KDM4C: variants seen among roughly 807,000 people sequenced by gnomAD.
KDM4C encodes lysine-specific demethylase 4C.
In KDM4C, 81 loss-of-function variants were observed where a neutral mutation model predicts 129.3. That is an observed-to-expected ratio of 0.63 (90% CI 0.52 to 0.75). KDM4C has a LOEUF of 0.75. Ranked by LOEUF, KDM4C falls within the 30% of genes least tolerant of loss-of-function variation. The pLI is 0.00. For synonymous variants in KDM4C, 573 were observed against 456.1 expected (o/e 1.26, Z -3.26); for missense variants, 1,457 against 1,304.0 (o/e 1.12, Z -1.81).
chr9:6,858,726 C>T (rs546188815), intron 5 of KDM4C, among the ~76,000 whole-genome samples: 4 of 151,680 alleles, frequency 2.6e-5, no homozygotes, highest in East Asian at 3.9e-4. Context: ...GAGCCAACAT[C>T]GTGTCACTGC....
intron 17 of KDM4C, among the ~76,000 whole-genome samples, chr9:7,083,319 C>A (rs1320447857): frequency 6.6e-6 from 1 of 152,204 alleles, no homozygotes; most frequent in Non-Finnish European, 1.5e-5. Context: ...TGTTGGCATT[C>A]AAAAATTTCA....
chr9:7,128,005 A>G, intron 18 of KDM4C, 61 bp from the exon 19 acceptor site: 1 of 1,274,074 alleles, frequency 7.8e-7, no homozygotes, highest in Non-Finnish European at 1.0e-6. Flanking sequence ...TTTTTATTTT[A>G]CGTCCTTTCT....
chr9:7,052,910 T>TTGTTGTGCAGTGGGGTGCTTTA (rs1554718570), intron 17 of KDM4C, among the ~76,000 whole-genome samples: 1 of 126,716 alleles, frequency 7.9e-6, no homozygotes, highest in Non-Finnish European at 1.8e-5. Flanking sequence ...AGCGAGCGAG[T>TTGTTGTGCAGTGGGGTGCTTTA]GCCCAAGGGA....
At chr9:6,756,740 T>C (rs1450392220), upstream of KDM4C, among the ~76,000 whole-genome samples, 2 of 152,208 alleles carry the variant, frequency 1.3e-5, no homozygotes, top group Non-Finnish European at 2.9e-5. Context: ...TCTGTGTGTG[T>C]AGCGGAACTT....
intron 12 of KDM4C, among the ~76,000 whole-genome samples, chr9:6,998,756 A>G (rs1024854763): frequency 1.3e-5 from 2 of 152,176 alleles, no homozygotes; most frequent in Non-Finnish European, 2.9e-5. Flanking sequence ...AGATCATGCT[A>G]TTGCACTCCA....
chr9:6,933,294 C>T (rs936854808), intron 8 of KDM4C, among the ~76,000 whole-genome samples: 13 of 152,122 alleles, frequency 8.5e-5, no homozygotes, highest in Non-Finnish European at 1.2e-4. Flanking sequence ...TTTTTAAATT[C>T]TGAAGGTGAC....
intron 17 of KDM4C, among the ~76,000 whole-genome samples, chr9:7,098,431 G>C (rs756575418): frequency 6.6e-6 from 1 of 152,210 alleles, no homozygotes; most frequent in Non-Finnish European, 1.5e-5. Flanking sequence ...GGCATTATGA[G>C]CCATTTATTT....
chr9:6,888,195 A>C (rs1563762903), intron 7 of KDM4C, 132 bp downstream of exon 7: 1 of 420,852 alleles, frequency 2.4e-6, no homozygotes, highest in African/African-American at 2.1e-5. Flanking sequence ...GTTTTATAGC[A>C]TATCAATTAT....
In KDM4C at chr9:7,002,519, C is replaced by G. The variant is rs143464126; in HGVS notation, c.1787-9179C>G. Among the ~76,000 whole-genome samples, 651 of 152,236 alleles carry G rather than the reference C, an allele frequency of 4.3e-3. 4 individuals are homozygous for G. Among genetic ancestry groups the G allele is most frequent in the African/African-American group, 0.014 (591 of 41,540 alleles). Reference sequence around the variant, plus strand: ...TATTATTTCTCTTCAGATCATGTGGCTCTTTCTCCTTTTTCACCTATCTTT... The same window carrying G: ...TATTATTTCTCTTCAGATCATGTGGGTCTTTCTCCTTTTTCACCTATCTTT... On this transcript the variant is annotated intron_variant, in intron 12 of 21. Transcript: ENST00000381309.
At chr9:6,992,589 A>G (rs1372092548) in intron 12 of KDM4C, among the ~76,000 whole-genome samples, 1 of 152,200 alleles carries the variant, frequency 6.6e-6, no homozygotes, top group Non-Finnish European at 1.5e-5. Flanking sequence ...AATTATTTAC[A>G]TCATTGGGAA....
At chr9:6,859,291 C>T (rs771450629) in intron 5 of KDM4C, among the ~76,000 whole-genome samples, 4 of 151,734 alleles carry the variant, frequency 2.6e-5, no homozygotes, top group South Asian at 2.1e-4. Context: ...TCCTGGCCAA[C>T]GTGGTGAAAC....
intron 17 of KDM4C, among the ~76,000 whole-genome samples, chr9:7,072,709 T>A (rs369561968): frequency 6.6e-6 from 1 of 152,236 alleles, no homozygotes; most frequent in East Asian, 1.9e-4. Context: ...ACAACTGTAT[T>A]GTTTTGTGGA....
At chr9:6,872,682 T>C (rs972214609) in intron 5 of KDM4C, among the ~76,000 whole-genome samples, 2 of 152,210 alleles carry the variant, frequency 1.3e-5, no homozygotes, top group Admixed American at 1.3e-4. Context: ...GAGACTAGGA[T>C]GGCAATCCCT....
intron 8 of KDM4C, among the ~76,000 whole-genome samples, chr9:6,979,850 G>A (rs1177708036): frequency 6.6e-6 from 1 of 152,142 alleles, no homozygotes; most frequent in Non-Finnish European, 1.5e-5. Flanking sequence ...CTAGGAATGT[G>A]GACTATGTAT....
At chr9:7,043,730 A>G (rs1442650478) in intron 15 of KDM4C, among the ~76,000 whole-genome samples, 1 of 151,842 alleles carries the variant, frequency 6.6e-6, no homozygotes, top group Non-Finnish European at 1.5e-5. Context: ...CTGTGATATC[A>G]TATAAATAAC....
At chr9:6,752,842 A>G (rs1174933759), upstream of KDM4C, among the ~76,000 whole-genome samples, 5 of 152,222 alleles carry the variant, frequency 3.3e-5, no homozygotes, top group African/African-American at 9.6e-5. Flanking sequence ...GCAATAAAAT[A>G]TCTGTGTTCC....
intron 1 of KDM4C, among the ~76,000 whole-genome samples, chr9:6,770,767 C>CTTT (rs753670348): frequency 1.7e-3 from 135 of 81,728 alleles, no homozygotes; most frequent in African/African-American, 2.2e-3. Flanking sequence ...GATTTTGATC[C>CTTT]TTTTTTTTTT....
chr9:6,793,160 A>G (rs1398355925), intron 2 of KDM4C, 28 bp downstream of exon 2: 12 of 1,599,806 alleles, frequency 7.5e-6, no homozygotes, highest in Non-Finnish European at 9.4e-6. Context: ...CTTTAAATGA[A>G]AAACAATCAC....
intron 15 of KDM4C, among the ~76,000 whole-genome samples, chr9:7,044,033 T>C (rs557692754): frequency 1.3e-4 from 20 of 151,984 alleles, no homozygotes; most frequent in Non-Finnish European, 2.8e-4. Context: ...CTGACAGATA[T>C]TCCAATAGCA....
Sources: gnomAD v4.1 joint callset for allele counts (sites outside exome capture counted in the v4.1 genomes callset) on GRCh38, gnomAD v4.1.1 for gene constraint, MANE v1.5 for transcripts, NCBI Gene and HGNC (gene_info 2026-07-23, HGNC 2026-07-21) for gene names.